MFN1: variants seen among roughly 807,000 people sequenced by gnomAD.
MFN1 encodes mitofusin 1.
MFN1 carries 65 observed loss-of-function variants against 92.4 expected under a neutral mutation model. That is an observed-to-expected ratio of 0.70 (90% confidence interval 0.58 to 0.86). The LOEUF is 0.86. Ranked by LOEUF, MFN1 falls within the 40% of genes least tolerant of loss-of-function variation. The pLI, the probability that MFN1 is intolerant of heterozygous loss-of-function variation, is 0.00. For synonymous variants in MFN1, 297 were observed against 300.9 expected (o/e 0.99, Z 0.13); for missense variants, 781 against 868.0 (o/e 0.90, Z 1.26).
intron 14 of MFN1, among the ~76,000 whole-genome samples, chr3:179,381,495 C>T (rs1032268688): frequency 4.6e-5 from 7 of 152,182 alleles, no homozygotes; most frequent in African/African-American, 1.7e-4. Context: ...CACTGTGCTG[C>T]TTAGTTTGAA....
intron 15 of MFN1, among the ~76,000 whole-genome samples, chr3:179,386,198 G>A (rs1577016682): frequency 6.6e-6 from 1 of 152,250 alleles, no homozygotes; most frequent in East Asian, 1.9e-4. Flanking sequence ...TTATTTTTGA[G>A]ATACATTGAA....
At chr3:179,348,309 C>T (rs1235581666) in intron 1 of MFN1, among the ~76,000 whole-genome samples, 1 of 152,228 alleles carries the variant, frequency 6.6e-6, no homozygotes, top group Non-Finnish European at 1.5e-5. Context: ...TGAGAAACCA[C>T]CTATGCTTTC....
chr3:179,350,552 C>T (rs1712105994), intron 2 of MFN1, among the ~76,000 whole-genome samples: 2 of 152,088 alleles, frequency 1.3e-5, no homozygotes, highest in Admixed American at 6.5e-5. Context: ...AGTGAAATGA[C>T]AGCTTTAGAA....
chr3:179,377,488 CTTA>C lies in MFN1; in HGVS notation c.1329+46_1329+48del, dbSNP rs563432354. On this transcript the variant is annotated intron_variant, in intron 12 of 17. Transcript: ENST00000471841. ...AGATAAAATTATTCAGAGACAGTTT[CTTA>C]TTATTCTATACCCTCATTTATTTCA... 1,027 of 1,241,572 alleles carry C rather than the reference CTTA, an allele frequency of 8.3e-4. 3 individuals carry two copies. The highest frequency in any genetic ancestry group is 1.1e-3 in the Non-Finnish European group (957 of 864,388). 76.9% of individuals were successfully genotyped at this position (1,241,572 alleles called of 1,614,324 possible).
chr3:179,385,872 T>C, intron 15 of MFN1, 151 bp downstream of exon 15: 1 of 723,682 alleles, frequency 1.4e-6, no homozygotes. Context: ...GTGAATTAAA[T>C]ATCACAAGTT....
chr3:179,355,269 G>T (rs1435187205), intron 3 of MFN1, among the ~76,000 whole-genome samples: 5 of 152,108 alleles, frequency 3.3e-5, no homozygotes, highest in Admixed American at 3.3e-4. Flanking sequence ...TCTTTTATCA[G>T]CAAGGTCTTT....
At chr3:179,384,860 CTG>C (rs749177624) in intron 14 of MFN1, among the ~76,000 whole-genome samples, 1 of 147,230 alleles carries the variant, frequency 6.8e-6, no homozygotes, top group Non-Finnish European at 1.5e-5. Context: ...TTGCCTGTGG[CTG>C]TGTGTTTTGA....
intron 9 of MFN1, among the ~76,000 whole-genome samples, chr3:179,371,265 G>A (rs1257288547): frequency 4.6e-5 from 7 of 152,272 alleles, no homozygotes; most frequent in African/African-American, 1.4e-4. Context: ...CCAGTACTTT[G>A]GGATGCCAAA....
chr3:179,378,677 T>C lies in MFN1; in HGVS notation c.1525T>C (p.Tyr509His). The C allele has an allele frequency of 6.2e-7, 1 of 1,613,756 alleles. No individual in the cohort carries two copies. Among genetic ancestry groups the C allele is most frequent in the Non-Finnish European group, 8.5e-7 (1 of 1,179,708 alleles). The change falls in exon 14 of 18, where the codon TAC becomes CAC. Residue 509 changes from tyrosine (Y) to histidine (H), a missense_variant. Tyr to His is a moderately conservative substitution (Grantham distance 83, BLOSUM62 2). Transcript: ENST00000471841. ...KKFDLSYNLN[Y>H]HKLCSDFQED... ...ATTTGATCTCAGTTATAATCTAAAT[T>C]ACCACAAGTTATGTTCAGATTTTCA... is the stretch of plus-strand genomic sequence containing the variant.
intron 6 of MFN1, among the ~76,000 whole-genome samples, chr3:179,364,730 G>A (rs957231902): frequency 6.6e-6 from 1 of 152,226 alleles, no homozygotes; most frequent in East Asian, 1.9e-4. Flanking sequence ...CCTTCCTTCT[G>A]CCATCTATCA....
chr3:179,375,609 T>C, intron 10 of MFN1, among the ~76,000 whole-genome samples: 1 of 152,230 alleles, frequency 6.6e-6, no homozygotes, highest in East Asian at 1.9e-4. Context: ...GGCTTTAAAA[T>C]ATCTTTGAAG....
chr3:179,361,776 G>A (rs1007749687), intron 4 of MFN1, among the ~76,000 whole-genome samples: 2 of 152,064 alleles, frequency 1.3e-5, no homozygotes, highest in Non-Finnish European at 2.9e-5. Flanking sequence ...GACCTCAGTT[G>A]ATCCACCTGC....
intron 3 of MFN1, among the ~76,000 whole-genome samples, chr3:179,358,399 C>T (rs1712432101): frequency 6.6e-6 from 1 of 152,150 alleles, no homozygotes; most frequent in Non-Finnish European, 1.5e-5. Flanking sequence ...GTGATCCACC[C>T]ACCTTGGCTT....
chr3:179,375,073 AT>A, intron 9 of MFN1, 146 bp from the exon 10 acceptor site: 1 of 895,692 alleles, frequency 1.1e-6, no homozygotes, highest in Non-Finnish European at 1.6e-6. Flanking sequence ...CACCTTTGTA[AT>A]TTTAAGTTGT....
At position 179,392,791 on chromosome 3, in the gene MFN1, T is replaced by C. The variant is rs1426644642; in HGVS notation, c.*732T>C. 2.6e-5 allele frequency: 4 copies of C among 152,210 alleles called. No homozygotes were observed. 9.4% of individuals were successfully genotyped at this position (152,210 alleles called of 1,614,324 possible). On this transcript the variant is annotated 3_prime_UTR_variant, in exon 18 of 18. Coordinates refer to ENST00000471841, the MANE Select transcript of MFN1 (RefSeq NM_033540.3). ...TTGAAGAGATAAAAATAGCCAAAGA[T>C]AGGAGACGTCTGAATTTTGAATGAT... is the stretch of plus-strand genomic sequence containing the variant.
In MFN1 at chr3:179,392,767, T is replaced by A. The variant is rs1055968975; in HGVS notation, c.*708T>A. On this transcript the variant is annotated 3_prime_UTR_variant, in exon 18 of 18. Transcript: ENST00000471841. ...CTAGTGCAATTTTAGGAGTAAAGTT[T>A]GAAGAGATAAAAATAGCCAAAGATA... 3 of 152,172 alleles carry A rather than the reference T, an allele frequency of 2.0e-5. No homozygotes were observed. Among genetic ancestry groups the A allele is most frequent in the African/African-American group, 7.2e-5 (3 of 41,452 alleles). 9.4% of individuals were successfully genotyped at this position (152,172 alleles called of 1,614,324 possible).
chr3:179,374,411 TATAAG>T (rs1293547273), intron 9 of MFN1, among the ~76,000 whole-genome samples: 1 of 139,686 alleles, frequency 7.2e-6, no homozygotes, highest in Non-Finnish European at 1.5e-5. Context: ...AATATATATA[TATAAG>T]ATAACAAGTA....
intron 17 of MFN1, among the ~76,000 whole-genome samples, chr3:179,391,024 A>C (rs1043986657): frequency 1.3e-5 from 2 of 152,092 alleles, no homozygotes; most frequent in Non-Finnish European, 2.9e-5. Flanking sequence ...GATATTTCCA[A>C]CCTCACCCAC....
chr3:179,369,831 T>G (rs1434459668), intron 9 of MFN1, among the ~76,000 whole-genome samples: 1 of 151,928 alleles, frequency 6.6e-6, no homozygotes, highest in African/African-American at 2.4e-5. Flanking sequence ...CTTGGCAGTT[T>G]ATGTTTTATT....
Sources: allele counts gnomAD v4.1 joint callset (sites outside exome capture counted in the v4.1 genomes callset), GRCh38; gene constraint gnomAD v4.1.1; transcripts MANE v1.5; gene names NCBI Gene and HGNC (gene_info 2026-07-23, HGNC 2026-07-21).